Variants in CFAP20DC observed in about 807,000 individuals in gnomAD.
The protein encoded by CFAP20DC is CFAP20 domain containing, also known as protein CFAP20DC.
A neutral mutation model predicts 101.7 loss-of-function variants in CFAP20DC; 84 were observed. That is an observed-to-expected ratio of 0.83 (90% CI 0.69 to 0.99). The LOEUF (loss-of-function observed/expected upper bound fraction) is 0.99. CFAP20DC is among the 50% of genes least tolerant of loss of function. The pLI is 0.00. For synonymous variants in CFAP20DC, 359 were observed against 351.2 expected (o/e 1.02, Z -0.25); for missense variants, 1,007 against 970.3 (o/e 1.04, Z -0.50).
In CFAP20DC at chr3:59,002,613, C is replaced by T. The variant is rs964678278; in HGVS notation, c.278+36944G>A. ...AATTTTATGTTCCATTATTCTTTCTCTCAACCACAAATCTGATCTGATATG... is the reference window on the plus strand; with the variant it reads ...AATTTTATGTTCCATTATTCTTTCTTTCAACCACAAATCTGATCTGATATG... On this transcript the variant is annotated intron_variant, in intron 4 of 16. Transcript: ENST00000482387. This position sits in a 1 kb window ranked among gnomAD's most constrained non-coding sequence, Gnocchi z 4.5. Among the ~76,000 whole-genome samples the T allele has an allele frequency of 6.6e-6, 1 of 152,148 alleles. No homozygotes were observed. Among genetic ancestry groups the T allele is most frequent in the African/African-American group, 2.4e-5 (1 of 41,442 alleles).
intron 15 of CFAP20DC, among the ~76,000 whole-genome samples, chr3:58,769,715 T>C (rs1311033454): frequency 6.6e-6 from 1 of 152,152 alleles, no homozygotes. Flanking sequence ...TCCCAGAGGA[T>C]GTTTACATTA....
intron 15 of CFAP20DC, among the ~76,000 whole-genome samples, chr3:58,755,514 T>C (rs1314067569): frequency 6.6e-6 from 1 of 152,102 alleles, no homozygotes; most frequent in East Asian, 1.9e-4. Context: ...CAGCTACAAA[T>C]CAGAAACTAT....
Position 58,864,575 on chromosome 3 carries a change from A to G in CFAP20DC, c.1259-683T>C, listed in dbSNP as rs2079519507. Among the ~76,000 whole-genome samples, 1 of 152,216 alleles carries G rather than the reference A, an allele frequency of 6.6e-6. No homozygotes were observed. Among genetic ancestry groups the G allele is most frequent in the South Asian group, 2.1e-4 (1 of 4,836 alleles). On this transcript the variant is annotated intron_variant, in intron 11 of 16. Coordinates refer to ENST00000482387, the MANE Select transcript of CFAP20DC (RefSeq NM_001394063.1). This position sits in a 1 kb window ranked among gnomAD's most constrained non-coding sequence, Gnocchi z 4.7. ...AAATTTAAAAGGGGTTGAGTTACTA[A>G]TATCTCCTTTTAACTGCAGGAGGAC... is the stretch of plus-strand genomic sequence containing the variant.
At chr3:58,815,328 C>A (rs1296232988) in intron 14 of CFAP20DC, among the ~76,000 whole-genome samples, 5 of 147,862 alleles carry the variant, frequency 3.4e-5, no homozygotes, top group South Asian at 2.2e-4. Context: ...AAACTGGATC[C>A]CTTCCTTACA....
rs532360378 is a variant in CFAP20DC at position 58,742,409 on chromosome 3, T to C, written c.*51A>G. The stretch of plus-strand genomic sequence containing the variant: ...GGTGACTCCTTAAGCGACCCTGAAC[T>C]GCTATTCTGCTCCAGCTGGGAGTGC... On this transcript the variant is annotated 3_prime_UTR_variant, in exon 17 of 17. Coordinates refer to ENST00000482387, the MANE Select transcript of CFAP20DC (RefSeq NM_001394063.1). 5 of 1,537,004 alleles carry C rather than the reference T, an allele frequency of 3.3e-6. No individual in the cohort carries two copies. The highest frequency in any genetic ancestry group is 2.4e-5 in the East Asian group (1 of 42,102).
intron 15 of CFAP20DC, among the ~76,000 whole-genome samples, chr3:58,783,080 C>T (rs906856026): frequency 3.9e-5 from 6 of 151,962 alleles, no homozygotes; most frequent in South Asian, 2.1e-4. Context: ...TAAAAAGAGA[C>T]ATATAGACCA....
intron 6 of CFAP20DC, among the ~76,000 whole-genome samples, chr3:58,908,986 G>A (rs1266426521): frequency 6.6e-6 from 1 of 152,156 alleles, no homozygotes; most frequent in Non-Finnish European, 1.5e-5. Flanking sequence ...GTGGTTGCCA[G>A]GGGTTAGGGG....
At chr3:58,966,476 A>G (rs763097312) in intron 4 of CFAP20DC, among the ~76,000 whole-genome samples, 23 of 114,452 alleles carry the variant, frequency 2.0e-4, no homozygotes, top group Admixed American at 4.1e-4. Context: ...ACATATGTGT[A>G]TATATATATA....
At position 58,894,626 on chromosome 3, in the gene CFAP20DC, ACACAG is replaced by A. The variant is rs1360787839; in HGVS notation, c.551-9922_551-9918del. On this transcript the variant is annotated intron_variant, in intron 6 of 16. Transcript: ENST00000482387. The surrounding 1 kb of genome is among the most constrained non-coding windows in gnomAD (Gnocchi z 4.1). ...GGCACTGTCTGTGGGTTTTCCAGGC[ACACAG>A]TGCAAGCTGTCAGTGGATCTACCAT... 6.6e-6 allele frequency among the ~76,000 whole-genome samples: 1 copy of A among 152,172 alleles called. No individual in the cohort carries two copies. Among genetic ancestry groups the A allele is most frequent in the Non-Finnish European group, 1.5e-5 (1 of 68,032 alleles).
chr3:58,889,001 A>AC (rs1491370642), intron 6 of CFAP20DC, among the ~76,000 whole-genome samples: 2 of 145,244 alleles, frequency 1.4e-5, no homozygotes, highest in Admixed American at 1.4e-4. Flanking sequence ...TTTTTTTTTT[A>AC]CTTTTTTTTT....
At chr3:58,960,894 T>C (rs2091076684) in intron 4 of CFAP20DC, among the ~76,000 whole-genome samples, 1 of 152,216 alleles carries the variant, frequency 6.6e-6, no homozygotes, top group Non-Finnish European at 1.5e-5. Flanking sequence ...TATGATAAGC[T>C]ATATGTTTTT....
At chr3:58,935,504 C>T (rs999327950) in intron 5 of CFAP20DC, among the ~76,000 whole-genome samples, 42 of 151,828 alleles carry the variant, frequency 2.8e-4, no homozygotes, top group Admixed American at 3.9e-4. Context: ...GGAGGTATCG[C>T]GCTACCTGAC....
chr3:58,786,948 A>T (rs1324867700), intron 15 of CFAP20DC, among the ~76,000 whole-genome samples: 2 of 151,906 alleles, frequency 1.3e-5, no homozygotes, highest in Non-Finnish European at 2.9e-5. Context: ...TATAGAAAAA[A>T]ATATAGCATA....
intron 4 of CFAP20DC, among the ~76,000 whole-genome samples, chr3:58,968,920 C>G (rs1375770997): frequency 6.6e-6 from 1 of 152,094 alleles, no homozygotes; most frequent in Non-Finnish European, 1.5e-5. Flanking sequence ...TCAATCTGTT[C>G]CAAATGGCTA....
chr3:58,781,999 T>C (rs1262638195), intron 15 of CFAP20DC, among the ~76,000 whole-genome samples: 4 of 151,984 alleles, frequency 2.6e-5, no homozygotes, highest in Non-Finnish European at 5.9e-5. Flanking sequence ...CCAATATCCG[T>C]GATGAATATA....
intron 4 of CFAP20DC, among the ~76,000 whole-genome samples, chr3:58,979,863 A>C (rs1269325817): frequency 6.6e-6 from 1 of 151,826 alleles, no homozygotes; most frequent in Admixed American, 6.6e-5. Context: ...ATCCATTTGA[A>C]GGAAACTTTA....
chr3:58,920,399 G>A (rs1471653285), intron 5 of CFAP20DC, among the ~76,000 whole-genome samples: 1 of 152,016 alleles, frequency 6.6e-6, no homozygotes, highest in Non-Finnish European at 1.5e-5. Context: ...CAGCCATAGT[G>A]GATAGTCTTG....
At position 58,835,415 on chromosome 3, in the gene CFAP20DC, C is replaced by A. The variant is rs537702562; in HGVS notation, c.1972-3526G>T. Among the ~76,000 whole-genome samples the A allele has an allele frequency of 3.3e-5, 5 of 152,148 alleles. No homozygotes were observed. In the East Asian group the frequency reaches 9.6e-4, roughly 29 times the overall value. ...CCTTCAGAGGGACTCCCACCACTGG[C>A]AGGCAGTATTGAAGCTGAGGCTGAA... is the stretch of plus-strand genomic sequence containing the variant. On this transcript the variant is annotated intron_variant, in intron 13 of 16. Coordinates refer to ENST00000482387, the MANE Select transcript of CFAP20DC (RefSeq NM_001394063.1).
intron 4 of CFAP20DC, among the ~76,000 whole-genome samples, chr3:59,000,006 ACT>A (rs1291946884): frequency 6.6e-6 from 1 of 152,084 alleles, no homozygotes; most frequent in Non-Finnish European, 1.5e-5. Flanking sequence ...GAATAAAAAA[ACT>A]CTGCAAGAAC....
Sources: gnomAD v4.1 joint callset for allele counts (sites outside exome capture counted in the v4.1 genomes callset) on GRCh38, gnomAD v4.1.1 for gene constraint, Gnocchi (gnomAD v3.1) non-coding constraint, MANE v1.5 for transcripts, NCBI Gene and HGNC (gene_info 2026-07-23, HGNC 2026-07-21) for gene names.